Variants in SERINC3 observed in about 807,000 individuals in gnomAD.
SERINC3 encodes tumor differentially expressed protein 1.
A neutral mutation model predicts 52.1 loss-of-function variants in SERINC3; 22 were observed. That is an observed-to-expected ratio of 0.42 (90% CI 0.30 to 0.60). The LOEUF (loss-of-function observed/expected upper bound fraction) is 0.60. SERINC3 is among the 20% of genes least tolerant of loss of function. The probability of loss-of-function intolerance (pLI) is 0.16; values close to 1 mark genes in which losing one functional copy is unlikely to be tolerated. For synonymous variants in SERINC3, 226 were observed against 212.7 expected (o/e 1.06, Z -0.54); for missense variants, 564 against 584.6 (o/e 0.96, Z 0.36).
At chr20:44,521,111 T>A (rs1045518307) in intron 1 of SERINC3, among the ~76,000 whole-genome samples, 17 of 152,226 alleles carry the variant, frequency 1.1e-4, no homozygotes, top group African/African-American at 4.1e-4. Context: ...GTCAAAAGTG[T>A]GTTGTGAGTA....
chr20:44,510,067 G>T, intron 4 of SERINC3, 39 bp from the exon 5 acceptor site: 1 of 1,597,526 alleles, frequency 6.3e-7, no homozygotes, highest in Non-Finnish European at 8.6e-7. Context: ...CTCTACCATA[G>T]AGTAACATTT....
chr20:44,516,955 A>C (rs2064384466), intron 1 of SERINC3, among the ~76,000 whole-genome samples: 2 of 152,190 alleles, frequency 1.3e-5, no homozygotes, highest in African/African-American at 4.8e-5. Context: ...GCTAATTCAG[A>C]ATTAGCAGAA....
chr20:44,500,898 C>T (rs1198339896), intron 9 of SERINC3, among the ~76,000 whole-genome samples, 175 bp downstream of exon 9: 1 of 152,136 alleles, frequency 6.6e-6, no homozygotes, highest in Non-Finnish European at 1.5e-5. Context: ...CAATGATTTG[C>T]ATTGCAAAGA....
chr20:44,503,698 T>C, intron 8 of SERINC3, 117 bp downstream of exon 8: 1 of 792,972 alleles, frequency 1.3e-6, no homozygotes, highest in Non-Finnish European at 2.0e-6. Context: ...TAAAGAACTT[T>C]TCATTAAAGA....
At chr20:44,518,429 C>T (rs879413596) in intron 1 of SERINC3, among the ~76,000 whole-genome samples, 1 of 151,076 alleles carries the variant, frequency 6.6e-6, no homozygotes, top group Admixed American at 6.6e-5. Context: ...AAAAAGCCTT[C>T]TGGGAGCTTC....
chr20:44,514,134 T>C (rs894031217), intron 1 of SERINC3, 94 bp from the exon 2 acceptor site: 1 of 1,319,748 alleles, frequency 7.6e-7, no homozygotes, highest in Non-Finnish European at 1.0e-6. Flanking sequence ...CAAATCAGGC[T>C]TTATAGTTTT....
At position 44,511,452 on chromosome 20, in the gene SERINC3, ATAACT is replaced by A. The variant is rs1449055015; in HGVS notation, c.396-89_396-85del. The A allele has an allele frequency of 7.8e-5, 65 of 830,182 alleles. No homozygotes were observed. The East Asian group carries it at 1.4e-3, about 18-fold the overall frequency. The allele number at this position is 830,182 out of a possible 1,614,324, so 51.4% of individuals were successfully genotyped here. On this transcript the variant is annotated intron_variant, in intron 3 of 9. Coordinates refer to ENST00000342374, the MANE Select transcript of SERINC3 (RefSeq NM_006811.4). ...AATTCATTTCTGAAATGCAAAAATA[ATAACT>A]TAATAGCTTTTTTCCCAACATGATT...
chr20:44,517,626 C>G (rs1299550212), intron 1 of SERINC3, among the ~76,000 whole-genome samples: 1 of 151,664 alleles, frequency 6.6e-6, no homozygotes, highest in Non-Finnish European at 1.5e-5. Context: ...TACAGATTCT[C>G]TCTCACCACC....
At chr20:44,518,071 T>C (rs1160244275) in intron 1 of SERINC3, among the ~76,000 whole-genome samples, 1 of 152,184 alleles carries the variant, frequency 6.6e-6, no homozygotes, top group East Asian at 1.9e-4. Context: ...ATTTTCACAG[T>C]ATCCTTAGCT....
intron 4 of SERINC3, 126 bp downstream of exon 4, chr20:44,511,163 C>T (rs2064344975): frequency 1.5e-6 from 1 of 645,770 alleles, no homozygotes; most frequent in African/African-American, 1.9e-5. Context: ...ATCCGCCCGT[C>T]TTGGCCTCCC....
chr20:44,500,337 G>C lies in SERINC3; in HGVS notation c.1381C>G (p.Leu461Val). The C allele has an allele frequency of 6.2e-7, 1 of 1,610,634 alleles. No homozygotes were observed. The highest frequency in any genetic ancestry group is 8.5e-7 in the Non-Finnish European group (1 of 1,178,636). The stretch of plus-strand genomic sequence containing the variant: ...CTGGTGAGGACAAGTGGAGCCACAA[G>C]GGTCCAGACGTAAAGCAGGAGGCAG... ...WVCLLLYVWT[L>V]VAPLVLTSRD... Residue 461 changes from leucine (L) to valine (V), a missense_variant, in exon 10 of 10, where the codon CTT becomes GTT. Physicochemically the swap from Leu to Val is conservative, Grantham distance 32. Coordinates refer to ENST00000342374, the MANE Select transcript of SERINC3 (RefSeq NM_006811.4).
chr20:44,510,044 G>C lies in SERINC3; in HGVS notation c.476-16C>G, dbSNP rs1162537374. The stretch of plus-strand genomic sequence containing the variant: ...ACAAACCAGACTACAAGAACCAAGA[G>C]AACAAAGTTATTCTCTACCATAGAG... On this transcript the variant is annotated splice_polypyrimidine_tract_variant and intron_variant, in intron 4 of 9. Coordinates refer to ENST00000342374, the MANE Select transcript of SERINC3 (RefSeq NM_006811.4). The C allele has an allele frequency of 2.5e-6, 4 of 1,612,772 alleles. No individual in the cohort carries two copies. Among genetic ancestry groups the C allele is most frequent in the Admixed American group, 3.3e-5 (2 of 59,958 alleles).
Position 44,503,917 on chromosome 20 carries a change from G to T in SERINC3, c.953C>A (p.Ala318Asp). The change falls in exon 8 of 10, where the codon GCT (alanine) becomes GAT (aspartate). Residue 318 changes from alanine (A) to aspartate (D), a missense_variant. Transcript: ENST00000342374. ...APTLAPGNST[A>D]VVPTPTPPSK... ...TGGTGGAGTAGGGGTAGGGACCACA[G>T]CAGTTGAATTTCCAGGAGCCAGGGT... is the stretch of plus-strand genomic sequence containing the variant. 1 of 1,605,156 alleles carries T rather than the reference G, an allele frequency of 6.2e-7. No individual in the cohort carries two copies. Among genetic ancestry groups the T allele is most frequent in the Non-Finnish European group, 8.5e-7 (1 of 1,176,954 alleles).
At chr20:44,512,570 A>G (rs2064355082) in intron 3 of SERINC3, among the ~76,000 whole-genome samples, 1 of 152,204 alleles carries the variant, frequency 6.6e-6, no homozygotes, top group Non-Finnish European at 1.5e-5. Flanking sequence ...AACATGAAGC[A>G]AAGGAATTTA....
chr20:44,512,819 C>G lies in SERINC3; in HGVS notation c.377G>C (p.Arg126Pro). The G allele has an allele frequency of 6.3e-7, 1 of 1,575,168 alleles. No homozygotes were observed. Among genetic ancestry groups the G allele is most frequent in the African/African-American group, 1.4e-5 (1 of 72,168 alleles). ...AACATACCCATTGTGTACTGCCGCT[C>G]GGAGATCTTTACTTGTTTTTACTTT... ...MFKVKTSKDLRAAVHNGFWFF... is the reference protein window; with the variant it reads ...MFKVKTSKDLPAAVHNGFWFF... Residue 126 changes from arginine to proline, a missense_variant, in exon 3 of 10, where the codon CGA becomes CCA. Transcript: ENST00000342374.
rs1347991883 is a variant in SERINC3, at chr20:44,497,702, G to A, written c.*2594C>T. 1 of 152,074 alleles carries A rather than the reference G, an allele frequency of 6.6e-6. No individual in the cohort carries two copies. Among genetic ancestry groups the A allele is most frequent in the African/African-American group, 2.4e-5 (1 of 41,362 alleles). The allele number at this position is 152,074 out of a possible 1,614,324, so 9.4% of individuals were successfully genotyped here. A position where few individuals can be genotyped will look rare whatever the true frequency, so the allele number is the denominator to read the frequency against. ...CGCTATACCCTGACATAAACCACTG[G>A]TTTAAAAGACAATGATTCCAATAAT... On this transcript the variant is annotated 3_prime_UTR_variant, in exon 10 of 10. Transcript: ENST00000342374.
At position 44,498,973 on chromosome 20, in the gene SERINC3, A is replaced by G. The variant is rs1568782528; in HGVS notation, c.*1323T>C. On this transcript the variant is annotated 3_prime_UTR_variant, in exon 10 of 10. Coordinates refer to ENST00000342374, the MANE Select transcript of SERINC3 (RefSeq NM_006811.4). ...CCATCTCTCTCTTAGCTAACTTCTA[A>G]GAGTTCTTGGCTTAAATATCATTTT... 2 of 152,166 alleles carry G rather than the reference A, an allele frequency of 1.3e-5. No individual in the cohort carries two copies. The highest frequency in any genetic ancestry group is 1.9e-4 in the East Asian group (1 of 5,196). The allele number at this position is 152,166 out of a possible 1,614,324, so 9.4% of individuals were successfully genotyped here. A position where few individuals can be genotyped will look rare whatever the true frequency, so the allele number is the denominator to read the frequency against.
downstream of SERINC3, chr20:44,496,366 G>A (rs1328355651): frequency 1.3e-5 from 2 of 152,504 alleles, no homozygotes; most frequent in East Asian, 3.8e-4. Context: ...CTAGGTAACA[G>A]GACGGACAGA....
chr20:44,504,940 CT>C (rs1164556449), intron 6 of SERINC3, 49 bp from the exon 7 acceptor site: 2 of 1,475,892 alleles, frequency 1.4e-6, no homozygotes, highest in Non-Finnish European at 1.9e-6. Context: ...CAAGGGCTGA[CT>C]TTCCAAAATG....
Sources: allele counts gnomAD v4.1 joint callset (sites outside exome capture counted in the v4.1 genomes callset), GRCh38; gene constraint gnomAD v4.1.1; transcripts MANE v1.5; gene names NCBI Gene and HGNC (gene_info 2026-07-23, HGNC 2026-07-21).